Variants in USP4 observed in about 807,000 individuals in gnomAD.
USP4 encodes the protein ubiquitin specific peptidase 4.
A neutral mutation model predicts 118.2 loss-of-function variants in USP4; 72 were observed. That is an observed-to-expected ratio of 0.61 (90% confidence interval 0.50 to 0.74). The LOEUF (loss-of-function observed/expected upper bound fraction) is 0.74. USP4 is among the 30% of genes least tolerant of loss of function. USP4 has a pLI of 0.00. For synonymous variants in USP4, 415 were observed against 440.4 expected (o/e 0.94, Z 0.72); for missense variants, 1,037 against 1,185.7 (o/e 0.87, Z 1.84).
intron 2 of USP4, among the ~76,000 whole-genome samples, chr3:49,329,394 TTG>T (rs1274388474): frequency 6.6e-6 from 1 of 151,512 alleles, no homozygotes; most frequent in Non-Finnish European, 1.5e-5. Context: ...ATGAATATTT[TTG>T]TGTGTGTGTG....
At chr3:49,321,719 C>A (rs184014584) in intron 6 of USP4, among the ~76,000 whole-genome samples, 2 of 151,944 alleles carry the variant, frequency 1.3e-5, no homozygotes, top group South Asian at 2.1e-4. Flanking sequence ...TTTGGCCGGG[C>A]GCCGTGGCTT....
intron 13 of USP4, among the ~76,000 whole-genome samples, chr3:49,296,648 A>G (rs1002140403): frequency 2.0e-5 from 3 of 152,172 alleles, no homozygotes; most frequent in African/African-American, 7.2e-5. Context: ...GACTCCGTCT[A>G]AAAAAATAAA....
At position 49,277,304 on chromosome 3, in the gene USP4, G is replaced by A. The variant is rs774614901; in HGVS notation, c.*989C>T. 7.4e-5 allele frequency: 88 copies of A among 1,194,964 alleles called. No homozygotes were observed. Among genetic ancestry groups the A allele is most frequent in the Non-Finnish European group, 8.9e-5 (81 of 906,530 alleles). 74.0% of individuals were successfully genotyped at this position (1,194,964 alleles called of 1,614,324 possible). On this transcript the variant is annotated 3_prime_UTR_variant, in exon 22 of 22. Coordinates refer to ENST00000265560, the MANE Select transcript of USP4 (RefSeq NM_003363.4). ...CAAAAAATCCCGGACCCATACGTCC[G>A]GTTCCTTAAGGCCTTGCCCACACGC...
In USP4 at chr3:49,277,204, G is replaced by GACCCATCCA. The variant is rs1467971962; in HGVS notation, c.*1080_*1088dup. The GACCCATCCA allele has an allele frequency of 7.4e-7, 1 of 1,345,124 alleles. No homozygotes were observed. The highest frequency in any genetic ancestry group is 1.5e-5 in the African/African-American group (1 of 68,054). The allele number at this position is 1,345,124 out of a possible 1,614,324, so 83.3% of individuals were successfully genotyped here. On this transcript the variant is annotated 3_prime_UTR_variant, in exon 22 of 22. Coordinates refer to ENST00000265560, the MANE Select transcript of USP4 (RefSeq NM_003363.4). ...TCCTCACCCGCAGCGCAGTGACGCC[G>GACCCATCCA]ACCCATCCAACGGTCATCGCATGCG... is the stretch of plus-strand genomic sequence containing the variant.
chr3:49,281,483 T>TACAC (rs1202297223), intron 19 of USP4, among the ~76,000 whole-genome samples: 3 of 103,606 alleles, frequency 2.9e-5, no homozygotes, highest in Non-Finnish European at 5.8e-5. Context: ...TGTGTATATA[T>TACAC]ATATATATAC....
At chr3:49,311,230 G>T (rs1173713725) in intron 7 of USP4, among the ~76,000 whole-genome samples, 1 of 152,140 alleles carries the variant, frequency 6.6e-6, no homozygotes, top group Non-Finnish European at 1.5e-5. Flanking sequence ...ATACGGGCCA[G>T]CCCATCCCTT....
chr3:49,325,628 G>A (rs1222821770), intron 4 of USP4, 91 bp downstream of exon 4: 1 of 1,534,180 alleles, frequency 6.5e-7, no homozygotes, highest in African/African-American at 1.4e-5. Context: ...ATCTAAAGAG[G>A]GCATATAAAA....
At chr3:49,288,888 T>C (rs2047125866) in intron 15 of USP4, among the ~76,000 whole-genome samples, 1 of 152,056 alleles carries the variant, frequency 6.6e-6, no homozygotes. Flanking sequence ...GGCAGATGGA[T>C]TGCTTGAGCC....
intron 3 of USP4, among the ~76,000 whole-genome samples, chr3:49,327,208 T>A (rs1559479801): frequency 6.6e-6 from 1 of 152,006 alleles, no homozygotes; most frequent in Non-Finnish European, 1.5e-5. Context: ...ATATTCTGGG[T>A]GAGCAACTTC....
chr3:49,278,512 C>A, intron 21 of USP4, 61 bp from the exon 22 acceptor site: 1 of 1,569,792 alleles, frequency 6.4e-7, no homozygotes. Flanking sequence ...TTTTCCCCAG[C>A]TTTTCTCTAG....
chr3:49,324,645 A>C lies in USP4; in HGVS notation c.695+57T>G, dbSNP rs562680620. The C allele has an allele frequency of 2.6e-6, 4 of 1,512,926 alleles. No individual in the cohort carries two copies. The East Asian group carries it at 9.0e-5, about 34-fold the overall frequency. The allele number at this position is 1,512,926 out of a possible 1,614,324, so 93.7% of individuals were successfully genotyped here. On this transcript the variant is annotated intron_variant, in intron 6 of 21. Coordinates refer to ENST00000265560, the MANE Select transcript of USP4 (RefSeq NM_003363.4). ...TTCTTAGTACAAGTACTGCCTTAGG[A>C]AAGACTGTCTCTTTTGCACATGTGA...
intron 13 of USP4, among the ~76,000 whole-genome samples, chr3:49,297,624 CTG>C (rs1559468889): frequency 6.6e-6 from 1 of 152,082 alleles, no homozygotes; most frequent in East Asian, 1.9e-4. Flanking sequence ...ATAGGCAAAA[CTG>C]TTGAAAAAAG....
intron 4 of USP4, 129 bp from the exon 5 acceptor site, chr3:49,325,168 C>T: frequency 8.5e-7 from 1 of 1,174,336 alleles, no homozygotes; most frequent in South Asian, 1.4e-5. Context: ...CCCCTGATAC[C>T]TCTTAAAATC....
In USP4 at chr3:49,323,271, TAAAAAAAAAAAA is replaced by T. The variant is rs1173500243; in HGVS notation, c.695+1419_695+1430del. 6.2e-3 allele frequency among the ~76,000 whole-genome samples: 625 copies of T among 101,226 alleles called. 8 individuals are homozygous for T. The highest frequency in any genetic ancestry group is 0.021 in the African/African-American group (557 of 26,694). The allele number at this position is 101,226 out of a possible 152,430, so 66.4% of individuals were successfully genotyped here. A position where few individuals can be genotyped will look rare whatever the true frequency, so the allele number is the denominator to read the frequency against. ...CATGAGCCACTGCTCCTGGCCTTTT[TAAAAAAAAAAAA>T]AAAAAAAAAAAAAAAGAGATGGGGT... is the stretch of plus-strand genomic sequence containing the variant. On this transcript the variant is annotated intron_variant, in intron 6 of 21. Transcript: ENST00000265560.
At chr3:49,295,414 A>G (rs750731269) in intron 13 of USP4, among the ~76,000 whole-genome samples, 5 of 151,782 alleles carry the variant, frequency 3.3e-5, no homozygotes, top group Non-Finnish European at 5.9e-5. Flanking sequence ...GAGCAAGCAA[A>G]TTTATAAAAG....
chr3:49,303,405 C>T (rs1340264562), intron 9 of USP4, among the ~76,000 whole-genome samples: 5 of 141,586 alleles, frequency 3.5e-5, no homozygotes, highest in Admixed American at 7.6e-5. Flanking sequence ...TGTGCCAGTA[C>T]GCTCCAGCCT....
chr3:49,297,364 A>G (rs35395347), intron 13 of USP4, among the ~76,000 whole-genome samples: 8,358 of 152,314 alleles, frequency 0.055, 322 homozygotes, highest in Non-Finnish European at 0.073. Flanking sequence ...AGAGATGAAG[A>G]AACTCAGTCT....
intron 20 of USP4, 23 bp downstream of exon 20, chr3:49,280,717 CAGAA>C (rs761488760): frequency 3.7e-5 from 59 of 1,584,830 alleles, no homozygotes; most frequent in Non-Finnish European, 4.4e-5. Context: ...TTCAACATCT[CAGAA>C]GGAAGCAGAT....
At position 49,300,548 on chromosome 3, in the gene USP4, T is replaced by G; in HGVS notation, c.1431A>C (p.Leu477=). The change falls in exon 11 of 22, where the codon CTA becomes CTC. Residue 477 remains leucine (L), a synonymous_variant. Transcript: ENST00000265560. ...CTTTCTTCAAGGGCAGTGGCAGCGT[T>G]AGATAGCAAAATGGGTCAAAGGTCA... ...VSVTFDPFCY[L]TLPLPLKKDR... 6.2e-7 allele frequency: 1 copy of G among 1,614,102 alleles called. No individual in the cohort carries two copies. Among genetic ancestry groups the G allele is most frequent in the East Asian group, 2.2e-5 (1 of 44,900 alleles).
Sources: allele counts gnomAD v4.1 joint callset (sites outside exome capture counted in the v4.1 genomes callset), GRCh38; gene constraint gnomAD v4.1.1; transcripts MANE v1.5; gene names NCBI Gene and HGNC (gene_info 2026-07-23, HGNC 2026-07-21).